The following RNLS variants were observed in gnomAD, a reference collection of about 807,000 sequenced individuals.
RNLS encodes the protein renalase, FAD dependent amine oxidase.
RNLS carries 39 observed loss-of-function variants against 39.8 expected under a neutral mutation model. The observed-to-expected ratio is 0.98, with a 90% confidence interval of 0.76 to 1.28. The LOEUF (loss-of-function observed/expected upper bound fraction) is 1.28, where lower values mean the gene tolerates loss of function less well. Ranked by LOEUF, RNLS falls within the 50% of genes most tolerant of loss-of-function variation. The pLI, the probability that RNLS is intolerant of heterozygous loss-of-function variation, is 0.00. For missense variants in RNLS, 410 were observed against 413.3 expected (o/e 0.99, Z 0.07); for synonymous variants, 147 against 150.7 (o/e 0.98, Z 0.18).
intron 6 of RNLS, chr10:88,309,393 T>C (rs1407588767): frequency 7.8e-7 from 1 of 1,288,314 alleles, no homozygotes; most frequent in African/African-American, 1.5e-5. Context: ...TCACCAGAAA[T>C]TAATCTCATG....
intron 6 of RNLS, among the ~76,000 whole-genome samples, chr10:88,296,596 A>C (rs1844113665): frequency 6.6e-6 from 1 of 152,186 alleles, no homozygotes; most frequent in Admixed American, 6.6e-5. Context: ...ATTAAATTGA[A>C]AGTATTAAAA....
chr10:88,203,314 GTA>G, the RNLS span, among the ~76,000 whole-genome samples: 9,818 of 12,940 alleles, frequency 0.76, 4,250 homozygotes, highest in Non-Finnish European at 0.81. Flanking sequence ...ATATATATAC[GTA>G]TGTATATATA....
chr10:88,480,860 T>C (rs1297262727), intron 4 of RNLS, among the ~76,000 whole-genome samples: 3 of 151,984 alleles, frequency 2.0e-5, no homozygotes, highest in African/African-American at 7.3e-5. Flanking sequence ...CTGTCTGGTA[T>C]AATATTATTT....
chr10:88,403,715 A>G (rs1448798251), intron 4 of RNLS, among the ~76,000 whole-genome samples: 1 of 151,438 alleles, frequency 6.6e-6, no homozygotes, highest in East Asian at 1.9e-4. Flanking sequence ...TTTCCTGGCT[A>G]ACTAAAATAC....
the RNLS span, among the ~76,000 whole-genome samples, chr10:88,173,865 T>C: frequency 6.6e-6 from 1 of 152,164 alleles, no homozygotes; most frequent in East Asian, 1.9e-4. Flanking sequence ...AGTTCCTTAG[T>C]GGTGATTTGT....
At chr10:88,519,172 A>G (rs892922311) in intron 4 of RNLS, among the ~76,000 whole-genome samples, 4 of 152,024 alleles carry the variant, frequency 2.6e-5, no homozygotes. Context: ...ATGTGCATTC[A>G]GGCTTGAACT....
rs1844725936 is a variant in RNLS, at chr10:88,488,846, T to C, written c.526+84057A>G. ...GAGGAATTTGGGTCATAGTTGCGAA[T>C]GGCAAAGCTGCCAACATTTAAAATG... is the stretch of plus-strand genomic sequence containing the variant. On this transcript the variant is annotated intron_variant, in intron 4 of 6. Transcript: ENST00000331772. 1.3e-5 allele frequency among the ~76,000 whole-genome samples: 2 copies of C among 152,174 alleles called. 1 individual carries two copies. The highest frequency in any genetic ancestry group is 4.1e-4 in the South Asian group (2 of 4,834).
At chr10:88,360,671 CT>C (rs912272040) in intron 5 of RNLS, among the ~76,000 whole-genome samples, 9 of 152,232 alleles carry the variant, frequency 5.9e-5, no homozygotes, top group Non-Finnish European at 1.3e-4. Context: ...CTCCTGACCT[CT>C]TGATCCACCC....
At chr10:88,342,072 G>A (rs1427588957) in intron 5 of RNLS, among the ~76,000 whole-genome samples, 1 of 152,102 alleles carries the variant, frequency 6.6e-6, no homozygotes, top group Non-Finnish European at 1.5e-5. Context: ...TTTGGTCAAT[G>A]GATTAGGAGG....
chr10:88,561,953 A>G (rs1353887036), intron 4 of RNLS, among the ~76,000 whole-genome samples: 1 of 152,162 alleles, frequency 6.6e-6, no homozygotes, highest in Non-Finnish European at 1.5e-5. Flanking sequence ...CTTTTGGTCA[A>G]GGGAAATGCA....
At chr10:88,573,445 C>A (rs1156613512) in intron 3 of RNLS, among the ~76,000 whole-genome samples, 1 of 152,220 alleles carries the variant, frequency 6.6e-6, no homozygotes, top group Non-Finnish European at 1.5e-5. Flanking sequence ...CTATAACCAT[C>A]TGACTCTAAA....
rs749580199 is a variant in RNLS at position 88,583,163 on chromosome 10, C to T, written c.28G>A (p.Gly10Arg). ...GCAGCGCACAAGCTTCCTGTCATCC[C>T]GGCGCCCACGATCAGCACCTGCGCC... MAQVLIVGA[G>R]MTGSLCAALL... Residue 10 changes from glycine to arginine, a missense_variant, in exon 1 of 7, where the codon GGG becomes AGG. Physicochemically the swap from Gly to Arg is moderately radical, Grantham distance 125 (BLOSUM62 -2). Coordinates refer to ENST00000331772, the MANE Select transcript of RNLS (RefSeq NM_001031709.3). 3.7e-6 allele frequency: 6 copies of T among 1,613,924 alleles called. No homozygotes were observed. Among genetic ancestry groups the T allele is most frequent in the Non-Finnish European group, 5.1e-6 (6 of 1,179,956 alleles).
chr10:88,387,976 T>G (rs2133561746), intron 4 of RNLS, among the ~76,000 whole-genome samples: 1 of 152,286 alleles, frequency 6.6e-6, no homozygotes, highest in Middle Eastern at 3.4e-3. Context: ...GTGGTACAAA[T>G]GAAACCTATG....
At chr10:88,375,499 A>G (rs955044485) in intron 4 of RNLS, among the ~76,000 whole-genome samples, 10 of 152,278 alleles carry the variant, frequency 6.6e-5, no homozygotes, top group South Asian at 6.2e-4. Flanking sequence ...CTATTGTATC[A>G]ATGATAAACT....
At chr10:88,277,269 G>C (rs957308462) in intron 6 of RNLS, among the ~76,000 whole-genome samples, 3 of 149,660 alleles carry the variant, frequency 2.0e-5, no homozygotes, top group Non-Finnish European at 4.4e-5. Context: ...GGTGGGAATT[G>C]AACAATAAGA....
chr10:88,338,777 T>TC (rs1847699649), intron 5 of RNLS, among the ~76,000 whole-genome samples: 1 of 149,624 alleles, frequency 6.7e-6, no homozygotes, highest in Admixed American at 6.7e-5. Flanking sequence ...TTTTTTTTTT[T>TC]TTTGAGACGG....
intron 4 of RNLS, among the ~76,000 whole-genome samples, chr10:88,563,314 A>C (rs1282465498): frequency 2.0e-5 from 3 of 152,178 alleles, no homozygotes; most frequent in African/African-American, 7.2e-5. Flanking sequence ...TTTCCATAGG[A>C]AAAGAGTTTA....
intron 4 of RNLS, among the ~76,000 whole-genome samples, chr10:88,392,785 C>G (rs1663261354): frequency 6.6e-6 from 1 of 152,126 alleles, no homozygotes; most frequent in South Asian, 2.1e-4. Context: ...ACATGCAGTA[C>G]AAAAGCAGTC....
chr10:88,263,966 C>T, the RNLS span, among the ~76,000 whole-genome samples: 12 of 152,154 alleles, frequency 7.9e-5, no homozygotes, highest in Non-Finnish European at 1.3e-4. Context: ...TTATCCCTCA[C>T]CCACCTCCCA....
Sources: allele counts gnomAD v4.1 joint callset (sites outside exome capture counted in the v4.1 genomes callset), GRCh38; gene constraint gnomAD v4.1.1; transcripts MANE v1.5; gene names NCBI Gene and HGNC (gene_info 2026-07-23, HGNC 2026-07-21).